THEM4: variants seen among roughly 807,000 people sequenced by gnomAD.
The protein encoded by THEM4 is acyl-coenzyme A thioesterase THEM4.
A neutral mutation model predicts 25.0 loss-of-function variants in THEM4; 22 were observed. The ratio of observed to expected loss-of-function variants is 0.88; its 90% confidence interval spans 0.63 to 1.26. The LOEUF (loss-of-function observed/expected upper bound fraction) is 1.26. Ranked by LOEUF, THEM4 falls within the 50% of genes most tolerant of loss-of-function variation. The pLI is 0.00. For missense variants in THEM4, 286 were observed against 300.3 expected, an observed-to-expected ratio of 0.95 and a Z score of 0.35; for synonymous variants, 113 against 105.6, an observed-to-expected ratio of 1.07 and a Z score of -0.43.
intron 2 of THEM4, chr1:151,890,106 G>A (rs746083973): frequency 7.9e-5 from 32 of 403,266 alleles, no homozygotes; most frequent in Non-Finnish European, 1.1e-4. Context: ...GGGTTTCTCC[G>A]TGTTGGTCAG....
At chr1:151,903,331 A>C (rs1191135413) in intron 1 of THEM4, among the ~76,000 whole-genome samples, 1 of 152,210 alleles carries the variant, frequency 6.6e-6, no homozygotes, top group Admixed American at 6.5e-5. Context: ...AAAAACAAAC[A>C]AAATTTTAAA....
intron 1 of THEM4, among the ~76,000 whole-genome samples, chr1:151,899,818 T>G (rs1410276789): frequency 6.6e-6 from 1 of 152,144 alleles, no homozygotes; most frequent in Non-Finnish European, 1.5e-5. Flanking sequence ...CCTGGGAAAT[T>G]CATCACAAAA....
At chr1:151,887,960 A>G (rs1383877180) in intron 4 of THEM4, among the ~76,000 whole-genome samples, 3 of 152,174 alleles carry the variant, frequency 2.0e-5, no homozygotes, top group Non-Finnish European at 4.4e-5. Flanking sequence ...CCCTGATCCT[A>G]TGACCAATAC....
intron 5 of THEM4, among the ~76,000 whole-genome samples, chr1:151,875,982 T>C (rs529138944): frequency 7.2e-5 from 11 of 152,304 alleles, no homozygotes; most frequent in African/African-American, 1.7e-4. Flanking sequence ...AGCAGCCCCA[T>C]TTGTAATAGT....
intron 3 of THEM4, among the ~76,000 whole-genome samples, chr1:151,888,893 A>AT (rs1558190954): frequency 0.038 from 7 of 184 alleles, no homozygotes; most frequent in Non-Finnish European, 0.036. Flanking sequence ...ATGAAAAAAA[A>AT]GAAAAAAATT....
chr1:151,876,593 G>A (rs375471816), intron 5 of THEM4, among the ~76,000 whole-genome samples: 8 of 151,840 alleles, frequency 5.3e-5, no homozygotes, highest in South Asian at 2.1e-4. Flanking sequence ...GACTACAGGC[G>A]CACACTACCA....
chr1:151,906,566 T>G (rs1252073695), intron 1 of THEM4, among the ~76,000 whole-genome samples: 1 of 152,230 alleles, frequency 6.6e-6, no homozygotes, highest in African/African-American at 2.4e-5. Flanking sequence ...GCAGCCCCAG[T>G]GCGAGATCCA....
chr1:151,882,249 G>A (rs1031248710), intron 4 of THEM4, among the ~76,000 whole-genome samples: 1 of 151,994 alleles, frequency 6.6e-6, no homozygotes, highest in Non-Finnish European at 1.5e-5. Flanking sequence ...GGTGGCATGT[G>A]CCTGTAATGT....
Position 151,872,520 on chromosome 1 carries a change from G to C in THEM4, c.*2368C>G, listed in dbSNP as rs1413600352. On this transcript the variant is annotated 3_prime_UTR_variant, in exon 6 of 6. Transcript: ENST00000368814. ...AGAACATTAGTCTCTGTAGGGAAAA[G>C]AGAGATCAGACTGTTACTGTGTCTA... Among the ~76,000 whole-genome samples the C allele has an allele frequency of 1.3e-5, 2 of 152,136 alleles. No individual in the cohort carries two copies. Among genetic ancestry groups the C allele is most frequent in the African/African-American group, 4.8e-5 (2 of 41,424 alleles).
intron 2 of THEM4, among the ~76,000 whole-genome samples, chr1:151,892,149 T>C (rs1275313075): frequency 6.6e-6 from 1 of 152,054 alleles, no homozygotes; most frequent in Non-Finnish European, 1.5e-5. Flanking sequence ...CTCAAACTCC[T>C]CTTGATTCTG....
rs562972302 is a variant in THEM4, at chr1:151,880,434, C to T, written c.558-3309G>A. Among the ~76,000 whole-genome samples the T allele has an allele frequency of 2.8e-3, 421 of 151,798 alleles. 2 individuals are homozygous for T. The highest frequency in any genetic ancestry group is 9.8e-3 in the African/African-American group (405 of 41,340). On this transcript the variant is annotated intron_variant, in intron 4 of 5. Coordinates refer to ENST00000368814, the MANE Select transcript of THEM4 (RefSeq NM_053055.5). ...CGGAGGTTGCCATAAGCTGAGCTCG[C>T]GCCACTGCACTCCAGCCTGGGTGAC...
intron 2 of THEM4, 123 bp downstream of exon 2, chr1:151,894,885 A>C (rs1654183679): frequency 9.1e-7 from 1 of 1,093,998 alleles, no homozygotes; most frequent in Non-Finnish European, 1.4e-6. Context: ...AAAATTGGTG[A>C]CTATAGAACC....
At chr1:151,875,742 G>A (rs142299800) in intron 5 of THEM4, among the ~76,000 whole-genome samples, 1 of 152,048 alleles carries the variant, frequency 6.6e-6, no homozygotes, top group African/African-American at 2.4e-5. Context: ...TCATTTGACT[G>A]GCAAAAATCA....
chr1:151,908,408 T>C lies in THEM4; in HGVS notation c.99+952A>G, dbSNP rs116720146. On this transcript the variant is annotated intron_variant, in intron 1 of 5. Coordinates refer to ENST00000368814, the MANE Select transcript of THEM4 (RefSeq NM_053055.5). ...TTCGTTTAGCCCGGCATGGCCCAGA[T>C]TCATCCTGGCTTAGGGAATGAGTCC... Among the ~76,000 whole-genome samples, 445 of 152,292 alleles carry C rather than the reference T, an allele frequency of 2.9e-3. 1 individual carries two copies. Among genetic ancestry groups the C allele is most frequent in the African/African-American group, 0.01 (426 of 41,556 alleles).
chr1:151,896,300 A>T (rs1051696529), intron 1 of THEM4, among the ~76,000 whole-genome samples: 1 of 152,004 alleles, frequency 6.6e-6, no homozygotes, highest in African/African-American at 2.4e-5. Context: ...GGCTGACTGT[A>T]AGTTTTCTGA....
chr1:151,900,846 G>T (rs990332910), intron 1 of THEM4, among the ~76,000 whole-genome samples: 1 of 152,214 alleles, frequency 6.6e-6, no homozygotes. Flanking sequence ...TGACATATTC[G>T]TGATGGCCAT....
intron 1 of THEM4, among the ~76,000 whole-genome samples, chr1:151,906,109 T>G (rs1654456481): frequency 6.6e-6 from 1 of 152,210 alleles, no homozygotes; most frequent in Non-Finnish European, 1.5e-5. Context: ...CAGAGCCGGC[T>G]CCCTCAGCTT....
chr1:151,891,862 C>T (rs1446145799), intron 2 of THEM4, among the ~76,000 whole-genome samples: 2 of 152,000 alleles, frequency 1.3e-5, no homozygotes, highest in Non-Finnish European at 2.9e-5. Context: ...ATACTCAACA[C>T]TGAGGGAGAG....
In THEM4 at chr1:151,872,141, AG is replaced by A. The variant is rs58754172; in HGVS notation, c.*2746del. ...AAGGAACTGCCAGCTTCACCCCTGC[AG>A]TGCCCCCATGTCTGCTGGGCCCTTG... On this transcript the variant is annotated 3_prime_UTR_variant, in exon 6 of 6. Coordinates refer to ENST00000368814, the MANE Select transcript of THEM4 (RefSeq NM_053055.5). 0.031 allele frequency among the ~76,000 whole-genome samples: 4,744 copies of A among 152,260 alleles called. 259 individuals carry two copies. Among genetic ancestry groups the A allele is most frequent in the African/African-American group, 0.11 (4,522 of 41,522 alleles).
Sources: allele counts gnomAD v4.1 joint callset (sites outside exome capture counted in the v4.1 genomes callset), GRCh38; gene constraint gnomAD v4.1.1; transcripts MANE v1.5; gene names NCBI Gene and HGNC (gene_info 2026-07-23, HGNC 2026-07-21).